KLHL29: variants seen among roughly 807,000 people sequenced by gnomAD.
KLHL29 encodes kelch like family member 29, also known as kelch-like protein 29.
Under a neutral mutation model 80.4 loss-of-function variants are expected in KLHL29, and 21 were observed. The observed-to-expected ratio is 0.26, with a 90% CI of 0.19 to 0.38. KLHL29 has a LOEUF of 0.38. KLHL29 is among the 10% of genes least tolerant of loss of function. The pLI is 1.00. For synonymous variants in KLHL29, 511 were observed against 526.8 expected, an observed-to-expected ratio of 0.97 and a Z score of 0.41; for missense variants, 867 against 1,223.9, an observed-to-expected ratio of 0.71 and a Z score of 4.35.
intron 7 of KLHL29, among the ~76,000 whole-genome samples, chr2:23,692,169 A>C (rs1473237428): frequency 6.6e-6 from 1 of 152,248 alleles, no homozygotes; most frequent in Non-Finnish European, 1.5e-5. Context: ...AGGGCTGTGC[A>C]TGTGCTCTGT....
chr2:23,613,656 C>T (rs185064796), intron 3 of KLHL29, among the ~76,000 whole-genome samples: 117 of 149,056 alleles, frequency 7.8e-4, no homozygotes, highest in Non-Finnish European at 1.4e-3. Context: ...CCCAGCTACT[C>T]GGGAGGCTGA....
At chr2:23,394,399 T>G (rs755073506) in intron 1 of KLHL29, among the ~76,000 whole-genome samples, 6 of 152,168 alleles carry the variant, frequency 3.9e-5, no homozygotes, top group Admixed American at 1.3e-4. Flanking sequence ...CTGTGGCATC[T>G]CATTTTTGCT....
At chr2:23,500,957 C>G (rs1558361515) in intron 2 of KLHL29, among the ~76,000 whole-genome samples, 1 of 152,150 alleles carries the variant, frequency 6.6e-6, no homozygotes, top group Non-Finnish European at 1.5e-5. Context: ...GAAATCGCAT[C>G]TGTTTGTCTG....
At chr2:23,587,718 G>A (rs757731654) in intron 3 of KLHL29, among the ~76,000 whole-genome samples, 20 of 152,114 alleles carry the variant, frequency 1.3e-4, no homozygotes, top group Admixed American at 4.6e-4. Flanking sequence ...GAGCCTAATC[G>A]GAGCTCTGGG....
intron 11 of KLHL29, among the ~76,000 whole-genome samples, chr2:23,702,096 G>T (rs6650797): frequency 0.5 from 76,235 of 151,808 alleles, 19,788 homozygotes; most frequent in East Asian, 0.79. Context: ...GTGCTGGGAT[G>T]ATAGGCGTGA....
intron 11 of KLHL29, among the ~76,000 whole-genome samples, chr2:23,702,173 G>A (rs1261617415): frequency 6.6e-6 from 1 of 151,980 alleles, no homozygotes; most frequent in South Asian, 2.1e-4. Flanking sequence ...CATACTATGG[G>A]AGCACCTTGA....
intron 2 of KLHL29, among the ~76,000 whole-genome samples, chr2:23,538,510 C>G (rs760271950): frequency 4.6e-5 from 7 of 152,230 alleles, no homozygotes; most frequent in Non-Finnish European, 8.8e-5. Context: ...AGATCCCAGC[C>G]TCTCTCTGCC....
At chr2:23,676,572 C>T (rs1558435408) in intron 5 of KLHL29, among the ~76,000 whole-genome samples, 2 of 152,222 alleles carry the variant, frequency 1.3e-5, no homozygotes, top group African/African-American at 4.8e-5. Flanking sequence ...AGGAGAATCA[C>T]TTGAGGTCAG....
chr2:23,571,423 G>T (rs561075078), intron 3 of KLHL29, among the ~76,000 whole-genome samples: 8 of 152,290 alleles, frequency 5.3e-5, no homozygotes, highest in Middle Eastern at 3.4e-3. Flanking sequence ...TCCCTTCCCA[G>T]CAGAACCCCC....
intron 2 of KLHL29, among the ~76,000 whole-genome samples, chr2:23,511,183 T>A (rs752005609): frequency 3.3e-5 from 5 of 152,144 alleles, no homozygotes; most frequent in African/African-American, 1.2e-4. Flanking sequence ...TCTGAGACAC[T>A]GAGTCAAAAT....
chr2:23,703,789 T>C lies in KLHL29; in HGVS notation c.2370T>C (p.Ala790=), dbSNP rs3795948. The C allele has an allele frequency of 0.5, 768,087 of 1,536,778 alleles. 196,107 individuals are homozygous for C. Among genetic ancestry groups the C allele is most frequent in the East Asian group, 0.81 (33,281 of 40,888 alleles). ...TCCTGGGCGGGGCTTATGCCAGAGCTACCACCATCTACGACCCTGAGAAAG... is the reference window on the plus strand; with the variant it reads ...TCCTGGGCGGGGCTTATGCCAGAGCCACCACCATCTACGACCCTGAGAAAG... ...VFILGGAYAR[A]TTIYDPEKGN... is the part of the protein sequence containing the mutation. Residue 790 remains alanine, a synonymous_variant, in exon 13 of 14, where the codon GCT becomes GCC. Transcript: ENST00000486442.
intron 1 of KLHL29, among the ~76,000 whole-genome samples, chr2:23,394,307 A>C (rs889864744): frequency 2.6e-5 from 4 of 152,216 alleles, no homozygotes; most frequent in African/African-American, 7.2e-5. Context: ...AAGGATATAT[A>C]TTCAGCTCCT....
At chr2:23,386,374 TC>T (rs776093524) in intron 1 of KLHL29, among the ~76,000 whole-genome samples, 3 of 151,960 alleles carry the variant, frequency 2.0e-5, no homozygotes, top group Non-Finnish European at 2.9e-5. Context: ...GTAGATGAGC[TC>T]GAAAACCGTC....
rs929067149 is a variant in KLHL29 at position 23,669,567 on chromosome 2, G to A, written c.941-14832G>A. On this transcript the variant is annotated intron_variant, in intron 5 of 13. Transcript: ENST00000486442. The surrounding 1 kb of genome is among the most constrained non-coding windows in gnomAD (Gnocchi z 4.3). ...TGCACAGGGCCCGGCACACAGTGGG[G>A]GCTCCCTGAGTGCTGGGTACCCCGT... 2.0e-5 allele frequency: 3 copies of A among 152,232 alleles called. No individual in the cohort carries two copies. The highest frequency in any genetic ancestry group is 7.2e-5 in the African/African-American group (3 of 41,456). 9.4% of individuals were successfully genotyped at this position (152,232 alleles called of 1,614,324 possible). A position where few individuals can be genotyped will look rare whatever the true frequency, so the allele number is the denominator to read the frequency against.
intron 2 of KLHL29, among the ~76,000 whole-genome samples, chr2:23,481,245 T>C (rs2103442108): frequency 6.6e-6 from 1 of 152,320 alleles, no homozygotes; most frequent in East Asian, 1.9e-4. Flanking sequence ...GGAGGCAGAT[T>C]TGTGGCCCAC....
chr2:23,417,008 C>T (rs1666993828), intron 1 of KLHL29, among the ~76,000 whole-genome samples: 1 of 152,190 alleles, frequency 6.6e-6, no homozygotes, highest in South Asian at 2.1e-4. Context: ...TCTCTTCCTC[C>T]ACCTGGGTTC....
chr2:23,697,666 C>T (rs983226942), intron 11 of KLHL29: 2 of 152,158 alleles, frequency 1.3e-5, no homozygotes, highest in Non-Finnish European at 2.9e-5. Context: ...TTTAACTCCT[C>T]CCCCAAGTAG....
chr2:23,408,593 T>G (rs996134033), intron 1 of KLHL29, among the ~76,000 whole-genome samples: 2 of 152,234 alleles, frequency 1.3e-5, no homozygotes, highest in Non-Finnish European at 1.5e-5. Context: ...GAGTTATTAC[T>G]GGCAAATAAA....
intron 4 of KLHL29, among the ~76,000 whole-genome samples, chr2:23,639,888 A>G (rs911611097): frequency 1.3e-5 from 2 of 152,158 alleles, no homozygotes; most frequent in African/African-American, 2.4e-5. Context: ...ACACCAGGCC[A>G]TTCAGCCATG....
Sources: gnomAD v4.1 joint callset for allele counts (sites outside exome capture counted in the v4.1 genomes callset) on GRCh38, gnomAD v4.1.1 for gene constraint, Gnocchi (gnomAD v3.1) non-coding constraint, MANE v1.5 for transcripts, NCBI Gene and HGNC (gene_info 2026-07-23, HGNC 2026-07-21) for gene names.